The following FTCD variants were observed in gnomAD, a reference collection of about 807,000 sequenced individuals.
FTCD encodes formimidoyltransferase cyclodeaminase.
Under a neutral mutation model 62.9 loss-of-function variants are expected in FTCD, and 76 were observed. The observed-to-expected ratio is 1.21, with a 90% CI of 1.00 to 1.46. FTCD has a LOEUF of 1.46. Ranked by LOEUF, FTCD falls within the 40% of genes most tolerant of loss-of-function variation. The pLI is 0.00. For missense variants in FTCD, 845 were observed against 751.3 expected, an observed-to-expected ratio of 1.12 and a Z score of -1.46; for synonymous variants, 397 against 336.9, an observed-to-expected ratio of 1.18 and a Z score of -1.95.
chr21:46,137,862 G>A (rs1214230090), intron 12 of FTCD, among the ~76,000 whole-genome samples: 2 of 152,150 alleles, frequency 1.3e-5, no homozygotes, highest in Non-Finnish European at 2.9e-5. Context: ...GTCAGTGTGA[G>A]GCATCTACTT....
At chr21:46,149,130 A>AG (rs556627292) in intron 7 of FTCD, among the ~76,000 whole-genome samples, 187 of 152,342 alleles carry the variant, frequency 1.2e-3, no homozygotes, top group Non-Finnish European at 2.1e-3. Flanking sequence ...GCAGGAGTGG[A>AG]GGGCCACCTG....
rs554918083 is a variant in FTCD, at chr21:46,136,957, C to G, written c.*30G>C. 6.2e-7 allele frequency: 1 copy of G among 1,612,714 alleles called. No homozygotes were observed. Among genetic ancestry groups the G allele is most frequent in the African/African-American group, 1.3e-5 (1 of 75,038 alleles). ...CCTCTGGGGATGGGCGAGGGAGGGG[C>G]CACAGAGCCCGGAGAGGCCTCCCGC... On this transcript the variant is annotated 3_prime_UTR_variant, in exon 14 of 14. Transcript: ENST00000397746.
In FTCD at chr21:46,151,923, C is replaced by G; in HGVS notation, c.425G>C (p.Arg142Pro). The G allele has an allele frequency of 1.3e-6, 2 of 1,571,116 alleles. No individual in the cohort carries two copies. Among genetic ancestry groups the G allele is most frequent in the Non-Finnish European group, 1.7e-6 (2 of 1,158,742 alleles). Residue 142 changes from arginine to proline, a missense_variant, in exon 4 of 14, where the codon CGG (arginine) becomes CCG (proline). Coordinates refer to ENST00000397746, the MANE Select transcript of FTCD (RefSeq NM_206965.2). ...AGGGAGGGCCTCGTACTCCCCGGCC[C>G]GGATGGCCGGCAGGGTCCGGCGACT... ...MDSRRTLPAI[R>P]AGEYEALPKK...
intron 9 of FTCD, 89 bp downstream of exon 9, chr21:46,145,729 A>AACAGCGCCCTTCCCCCT (rs1334027706): frequency 1.1e-5 from 1 of 91,242 alleles, no homozygotes; most frequent in Non-Finnish European, 1.7e-5. Flanking sequence ...CGCCCTCCCC[A>AACAGCGCCCTTCCCCCT]CCCCGTGCCC....
chr21:46,137,314 C>CT lies in FTCD; in HGVS notation c.1463dup (p.Met489AspfsTer23), dbSNP rs754564918. ...TGAAATATGCGCCAAACACGCCCAT[C>CT]TCCAGGGCTTTGGCCGCCACCTGCA... is the stretch of plus-strand genomic sequence containing the variant. On this transcript the variant is annotated frameshift_variant, in exon 13 of 14. Coordinates refer to ENST00000397746, the MANE Select transcript of FTCD (RefSeq NM_206965.2). LOFTEE classifies it high-confidence loss of function. 6.2e-7 allele frequency: 1 copy of CT among 1,613,702 alleles called. No individual in the cohort carries two copies. Among genetic ancestry groups the CT allele is most frequent in the African/African-American group, 1.3e-5 (1 of 75,050 alleles).
At chr21:46,150,015 G>T in intron 7 of FTCD, 104 bp downstream of exon 7, 1 of 1,056,586 alleles carries the variant, frequency 9.5e-7, no homozygotes, top group South Asian at 1.3e-5. Context: ...AATGAAGGGG[G>T]AGGAGGGGGA....
Position 46,151,909 on chromosome 21 carries a change from C to T in FTCD, c.439G>A (p.Glu147Lys), listed in dbSNP as rs754659947. The T allele has an allele frequency of 1.0e-4, 161 of 1,564,516 alleles. No homozygotes were observed. Among genetic ancestry groups the T allele is most frequent in the Middle Eastern group, 3.6e-4 (2 of 5,606 alleles). Residue 147 changes from glutamate (E) to lysine (K), a missense_variant, in exon 4 of 14, where the codon GAG becomes AAG. Physicochemically the swap from Glu to Lys is moderately conservative, Grantham distance 56. Transcript: ENST00000397746. ...GGGGGCACCTTCTTAGGGAGGGCCT[C>T]GTACTCCCCGGCCCGGATGGCCGGC... ...TLPAIRAGEY[E>K]ALPKKLQQAD...
intron 7 of FTCD, among the ~76,000 whole-genome samples, chr21:46,149,501 T>G (rs1161721802): frequency 6.6e-6 from 1 of 152,160 alleles, no homozygotes. Context: ...TGGATTGTGC[T>G]TATTGCGAAA....
rs772444365 is a variant in FTCD, at chr21:46,136,949, GGGAGGGGCCACAGAGCCC to G, written c.*20_*37del. 1 of 1,612,518 alleles carries G rather than the reference GGGAGGGGCCACAGAGCCC, an allele frequency of 6.2e-7. No homozygotes were observed. Among genetic ancestry groups the G allele is most frequent in the East Asian group, 2.2e-5 (1 of 44,856 alleles). On this transcript the variant is annotated 3_prime_UTR_variant, in exon 14 of 14. Coordinates refer to ENST00000397746, the MANE Select transcript of FTCD (RefSeq NM_206965.2). ...AGCTCTGCCCTCTGGGGATGGGCGA[GGGAGGGGCCACAGAGCCC>G]GGAGAGGCCTCCCGCACCGTCACTC...
chr21:46,150,073 C>A, intron 7 of FTCD, 46 bp downstream of exon 7: 2 of 1,572,326 alleles, frequency 1.3e-6, no homozygotes, highest in South Asian at 2.3e-5. Flanking sequence ...CCTCCCCACC[C>A]TCCCTGCACG....
intron 12 of FTCD, 94 bp downstream of exon 12, chr21:46,138,414 A>G (rs1265079420): frequency 1.6e-6 from 2 of 1,279,638 alleles, no homozygotes; most frequent in Admixed American, 2.0e-5. Flanking sequence ...TACCTGGCTC[A>G]GCCCAGCCAA....
intron 8 of FTCD, 112 bp downstream of exon 8, chr21:46,146,154 G>T: frequency 1.2e-6 from 1 of 839,372 alleles, no homozygotes; most frequent in Non-Finnish European, 2.0e-6. Flanking sequence ...CGCCCAAAGG[G>T]AGGCGCTGGG....
intron 2 of FTCD, among the ~76,000 whole-genome samples, chr21:46,153,833 C>T (rs1005312659): frequency 1.3e-5 from 2 of 152,254 alleles, no homozygotes; most frequent in African/African-American, 2.4e-5. Flanking sequence ...CTCTCAGCCC[C>T]CTTGACGAGT....
At position 46,154,287 on chromosome 21, in the gene FTCD, C is replaced by T. The variant is rs750617099; in HGVS notation, c.100G>A (p.Val34Met). 3.2e-5 allele frequency: 51 copies of T among 1,612,008 alleles called. No homozygotes were observed. The highest frequency in any genetic ancestry group is 4.5e-5 in the East Asian group (2 of 44,882). ...GGGCCTGCGTCCACATCCAGCAGCA[C>T]GCAGCCCGGGGTCTGTGTGATGGCT... ...SGAITQTPGC[V>M]LLDVDAGPST... is the part of the protein sequence containing the mutation. Residue 34 changes from valine (V) to methionine (M), a missense_variant, in exon 2 of 14, where the codon GTG becomes ATG. Physicochemically the swap from Val to Met is conservative, Grantham distance 21 (BLOSUM62 1). Coordinates refer to ENST00000397746, the MANE Select transcript of FTCD (RefSeq NM_206965.2).
At chr21:46,147,423 T>G (rs1292918318) in intron 7 of FTCD, among the ~76,000 whole-genome samples, 1 of 152,280 alleles carries the variant, frequency 6.6e-6, no homozygotes, top group East Asian at 1.9e-4. Context: ...GGGGGTCCTG[T>G]GAGGCAGTGT....
chr21:46,151,515 G>T (rs58309404), intron 5 of FTCD, 43 bp downstream of exon 5: 5 of 1,558,974 alleles, frequency 3.2e-6, no homozygotes, highest in Non-Finnish European at 4.4e-6. Flanking sequence ...ACCCTTTCCC[G>T]AGGGGCTGGG....
chr21:46,150,285 C>T (rs201502966), intron 6 of FTCD, 35 bp from the exon 7 acceptor site: 2 of 1,608,536 alleles, frequency 1.2e-6, no homozygotes, highest in Non-Finnish European at 1.7e-6. Flanking sequence ...CCCCTGGGGG[C>T]TGGCTGGAGA....
At chr21:46,138,781 G>A in intron 11 of FTCD, 99 bp downstream of exon 11, 1 of 1,426,044 alleles carries the variant, frequency 7.0e-7, no homozygotes, top group South Asian at 1.1e-5. Flanking sequence ...AGCACGCCCA[G>A]GCCAACCACG....
intron 10 of FTCD, among the ~76,000 whole-genome samples, chr21:46,139,439 C>T (rs1354240110): frequency 6.6e-6 from 1 of 152,174 alleles, no homozygotes; most frequent in Admixed American, 6.5e-5. Flanking sequence ...CACTCGGCTC[C>T]TCGGACCCAC....
Sources: allele counts gnomAD v4.1 joint callset (sites outside exome capture counted in the v4.1 genomes callset), GRCh38; gene constraint gnomAD v4.1.1; transcripts MANE v1.5; gene names NCBI Gene and HGNC (gene_info 2026-07-23, HGNC 2026-07-21).